RNLS: variants seen among roughly 807,000 people sequenced by gnomAD.
RNLS encodes the protein renalase, FAD dependent amine oxidase.
Under a neutral mutation model 39.8 loss-of-function variants are expected in RNLS, and 39 were observed. The observed-to-expected ratio is 0.98, with a 90% CI of 0.76 to 1.28. The LOEUF is 1.28. Ranked by LOEUF, RNLS falls within the 50% of genes most tolerant of loss-of-function variation. The pLI is 0.00. For missense variants in RNLS, 410 were observed against 413.3 expected (o/e 0.99, Z 0.07); for synonymous variants, 147 against 150.7 (o/e 0.98, Z 0.18).
At chr10:88,388,778 C>A (rs1158418517) in intron 4 of RNLS, among the ~76,000 whole-genome samples, 1 of 152,120 alleles carries the variant, frequency 6.6e-6, no homozygotes, top group Non-Finnish European at 1.5e-5. Context: ...CTTCCCCCTA[C>A]TAGTAATCAA....
chr10:88,250,508 T>A, the RNLS span, among the ~76,000 whole-genome samples: 1 of 152,074 alleles, frequency 6.6e-6, no homozygotes, highest in East Asian at 1.9e-4. Context: ...GTGGGGAGCA[T>A]TTACCATGTC....
At chr10:88,262,761 A>G in the RNLS span, among the ~76,000 whole-genome samples, 1 of 152,194 alleles carries the variant, frequency 6.6e-6, no homozygotes, top group African/African-American at 2.4e-5. Context: ...TGCTGATTTG[A>G]CTGAAAACAC....
At chr10:88,514,634 T>C (rs1375055217) in intron 4 of RNLS, among the ~76,000 whole-genome samples, 2 of 152,130 alleles carry the variant, frequency 1.3e-5, no homozygotes, top group African/African-American at 4.8e-5. Context: ...TTGACTCTTT[T>C]AGATACCTCA....
chr10:88,372,549 T>C lies in RNLS; in HGVS notation c.527-9824A>G, dbSNP rs147529252. On this transcript the variant is annotated intron_variant, in intron 4 of 6. Coordinates refer to ENST00000331772, the MANE Select transcript of RNLS (RefSeq NM_001031709.3). ...CCGAAATGACATTCAGTCGTTTCTA[T>C]AGCAACACGTTCTAAGCATGGGATT... Among the ~76,000 whole-genome samples the C allele has an allele frequency of 2.6e-3, 392 of 152,278 alleles. 2 individuals are homozygous for C. Among genetic ancestry groups the C allele is most frequent in the African/African-American group, 8.9e-3 (372 of 41,574 alleles).
chr10:88,364,208 A>G (rs1320868647), intron 4 of RNLS, among the ~76,000 whole-genome samples: 3 of 152,158 alleles, frequency 2.0e-5, no homozygotes, highest in Non-Finnish European at 4.4e-5. Flanking sequence ...CATATGAGAA[A>G]TTCTCATTTA....
intron 5 of RNLS, among the ~76,000 whole-genome samples, chr10:88,326,600 G>T (rs2133129690): frequency 6.6e-6 from 1 of 152,288 alleles, no homozygotes; most frequent in African/African-American, 2.4e-5. Context: ...TGGAACTTAT[G>T]TTTAAAAGGG....
chr10:88,198,622 A>C, the RNLS span, among the ~76,000 whole-genome samples: 1 of 152,070 alleles, frequency 6.6e-6, no homozygotes, highest in African/African-American at 2.4e-5. Flanking sequence ...CACTCTTCTC[A>C]TGATAGTGAC....
chr10:88,579,250 ATTCT>A (rs2134487691), intron 3 of RNLS, among the ~76,000 whole-genome samples: 1 of 152,258 alleles, frequency 6.6e-6, no homozygotes, highest in South Asian at 2.1e-4. Context: ...TCTGTGCAGC[ATTCT>A]TTCTTTATGG....
intron 4 of RNLS, among the ~76,000 whole-genome samples, chr10:88,558,619 G>A (rs1248087742): frequency 6.6e-6 from 1 of 152,112 alleles, no homozygotes; most frequent in East Asian, 1.9e-4. Context: ...TGTTTCTACT[G>A]ATGTCCCCAT....
intron 6 of RNLS, among the ~76,000 whole-genome samples, chr10:88,287,114 C>T (rs886367537): frequency 2.6e-5 from 4 of 152,068 alleles, no homozygotes; most frequent in African/African-American, 4.8e-5. Context: ...TTTCTTAAAG[C>T]AGAAAAAGTT....
At chr10:88,465,878 C>T (rs189287228) in intron 4 of RNLS, among the ~76,000 whole-genome samples, 156 of 152,156 alleles carry the variant, frequency 1.0e-3, no homozygotes, top group African/African-American at 3.6e-3. Context: ...CAATCAGTCA[C>T]ACTTGTGTAA....
chr10:88,286,916 TG>T (rs1843313229), intron 6 of RNLS, among the ~76,000 whole-genome samples: 1 of 151,800 alleles, frequency 6.6e-6, no homozygotes, highest in South Asian at 2.1e-4. Context: ...CTTAGCTTCC[TG>T]GTAGCTAGGA....
chr10:88,394,698 A>G (rs1395111164), intron 4 of RNLS, among the ~76,000 whole-genome samples: 11 of 152,122 alleles, frequency 7.2e-5, no homozygotes, highest in East Asian at 5.8e-4. Flanking sequence ...TACTGGGTAT[A>G]TACCCAAAGG....
chr10:88,280,503 G>A (rs914576111), downstream of RNLS, among the ~76,000 whole-genome samples: 1 of 152,156 alleles, frequency 6.6e-6, no homozygotes, highest in African/African-American at 2.4e-5. Flanking sequence ...ACCCCTGAGT[G>A]TCTACAGACA....
intron 6 of RNLS, among the ~76,000 whole-genome samples, chr10:88,300,851 C>A (rs1261862577): frequency 6.6e-6 from 1 of 152,104 alleles, no homozygotes; most frequent in Non-Finnish European, 1.5e-5. Context: ...AGTTTTATAG[C>A]ATAATACTGA....
At chr10:88,249,109 C>A in the RNLS span, among the ~76,000 whole-genome samples, 2 of 152,132 alleles carry the variant, frequency 1.3e-5, no homozygotes, top group South Asian at 4.2e-4. Flanking sequence ...TGGGTTATGC[C>A]AATGGAAGGC....
chr10:88,295,065 T>C (rs1056154114), intron 6 of RNLS, among the ~76,000 whole-genome samples: 1 of 152,168 alleles, frequency 6.6e-6, no homozygotes, highest in African/African-American at 2.4e-5. Flanking sequence ...AAATTCTTTC[T>C]TAAAACAGTT....
chr10:88,243,808 C>T, the RNLS span, among the ~76,000 whole-genome samples: 1 of 152,258 alleles, frequency 6.6e-6, no homozygotes, highest in Non-Finnish European at 1.5e-5. Flanking sequence ...TCCACCTGAA[C>T]TACTCAGTAA....
the RNLS span, among the ~76,000 whole-genome samples, chr10:88,228,465 C>T: frequency 6.6e-6 from 1 of 152,212 alleles, no homozygotes; most frequent in South Asian, 2.1e-4. Context: ...GAAGAACTAC[C>T]ACATACTCTT....
Sources: allele counts gnomAD v4.1 joint callset (sites outside exome capture counted in the v4.1 genomes callset), GRCh38; gene constraint gnomAD v4.1.1; transcripts MANE v1.5; gene names NCBI Gene and HGNC (gene_info 2026-07-23, HGNC 2026-07-21).